ZFHX3: variants seen among roughly 807,000 people sequenced by gnomAD.
ZFHX3 encodes the protein zinc finger homeobox protein 3.
Under a neutral mutation model 279.1 loss-of-function variants are expected in ZFHX3, and 42 were observed. That is an observed-to-expected ratio of 0.15 (90% CI 0.12 to 0.19). ZFHX3 has a LOEUF of 0.19. Ranked by LOEUF, ZFHX3 falls within the 10% of genes least tolerant of loss-of-function variation. ZFHX3 has a pLI of 1.00. For synonymous variants in ZFHX3, 2,293 were observed against 1,957.8 expected, an observed-to-expected ratio of 1.17 and a Z score of -4.52; for missense variants, 4,981 against 4,754.0, an observed-to-expected ratio of 1.05 and a Z score of -1.40.
chr16:73,845,404 G>T (rs1961423502), intron 1 of ZFHX3, among the ~76,000 whole-genome samples: 2 of 152,044 alleles, frequency 1.3e-5, no homozygotes, highest in African/African-American at 4.8e-5. Context: ...TTCCTTCCTG[G>T]GTGGTGAGAC....
chr16:73,205,370 A>G (rs1481696610), intron 5 of ZFHX3, among the ~76,000 whole-genome samples: 1 of 152,210 alleles, frequency 6.6e-6, no homozygotes, highest in Non-Finnish European at 1.5e-5. Flanking sequence ...TGATGGCGCA[A>G]CACAAGACTG....
chr16:73,356,758 G>A lies in ZFHX3; in HGVS notation c.-1290-38422C>T, dbSNP rs576740393. ...TCAATATTATCATTAGATTTTGTTC[G>A]GTTTCACTCACGTCCTTTCAACATT... On this transcript the variant is annotated intron_variant, in intron 3 of 17. Coordinates refer to the ZFHX3 transcript ENST00000641206. 4.6e-5 allele frequency among the ~76,000 whole-genome samples: 7 copies of A among 151,856 alleles called. No homozygotes were observed. The East Asian group carries it at 5.8e-4, about 13-fold the overall frequency.
chr16:72,794,947 G>C lies in ZFHX3; in HGVS notation c.7735C>G (p.Pro2579Ala). 6.2e-7 allele frequency: 1 copy of C among 1,614,108 alleles called. No homozygotes were observed. ...SLDMPFMLFD[P>A]SNPLLASQLL... Reference sequence around the variant, plus strand: ...TGGCTGGCCAGGAGTGGGTTACTGGGATCAAAGAGCATGAAAGGCATATCC... The same window carrying C: ...TGGCTGGCCAGGAGTGGGTTACTGGCATCAAAGAGCATGAAAGGCATATCC... The change falls in exon 9 of 10, where the codon CCC becomes GCC. Residue 2579 changes from proline (P) to alanine (A), a missense_variant. Transcript: ENST00000268489. This position sits in a 1 kb window ranked among gnomAD's most constrained non-coding sequence, Gnocchi z 4.2.
intron 4 of ZFHX3, among the ~76,000 whole-genome samples, chr16:72,851,134 C>T (rs1567547546): frequency 6.6e-6 from 1 of 152,098 alleles, no homozygotes; most frequent in Non-Finnish European, 1.5e-5. Context: ...TCCATGTTCA[C>T]AGTACGGAGG....
At position 73,054,495 on chromosome 16, in the gene ZFHX3, T is replaced by C. The variant is rs563557533; in HGVS notation, c.-24+4035A>G. Among the ~76,000 whole-genome samples, 19 of 151,610 alleles carry C rather than the reference T, an allele frequency of 1.3e-4. No homozygotes were observed. In the South Asian group the frequency reaches 3.4e-3, roughly 27 times the overall value. On this transcript the variant is annotated intron_variant, in intron 1 of 8. Coordinates refer to the ZFHX3 transcript ENST00000397992. ...GGAAATCCACACTTTTCATTATTAT[T>C]GTTATTATACTCTCATCCGAAGTTT...
intron 5 of ZFHX3, among the ~76,000 whole-genome samples, chr16:73,193,533 G>A (rs1968085928): frequency 6.6e-6 from 1 of 152,146 alleles, no homozygotes; most frequent in East Asian, 1.9e-4. Flanking sequence ...CAGTATCCTG[G>A]GGGTAAGGAC....
intron 5 of ZFHX3, among the ~76,000 whole-genome samples, chr16:73,223,546 C>A (rs1199973557): frequency 6.6e-6 from 1 of 152,118 alleles, no homozygotes; most frequent in Non-Finnish European, 1.5e-5. Context: ...TAACGACAAC[C>A]CCATATGAAA....
At chr16:73,390,496 G>A (rs901157796) in intron 3 of ZFHX3, among the ~76,000 whole-genome samples, 2 of 152,128 alleles carry the variant, frequency 1.3e-5, no homozygotes, top group African/African-American at 2.4e-5. Flanking sequence ...GAGGCCTAGC[G>A]GGGATTCCAC....
intron 3 of ZFHX3, among the ~76,000 whole-genome samples, chr16:72,932,134 T>C (rs1959847519): frequency 6.6e-6 from 1 of 152,104 alleles, no homozygotes; most frequent in Admixed American, 6.5e-5. Flanking sequence ...TCTATGCCAG[T>C]TTCCAAGCCT....
intron 4 of ZFHX3, among the ~76,000 whole-genome samples, chr16:73,264,224 T>C (rs1184168449): frequency 6.6e-6 from 1 of 152,126 alleles, no homozygotes; most frequent in African/African-American, 2.4e-5. Flanking sequence ...AAGTATTCAT[T>C]CCCCCTCTTC....
At chr16:73,411,875 A>T (rs532693076) in intron 3 of ZFHX3, among the ~76,000 whole-genome samples, 8 of 152,090 alleles carry the variant, frequency 5.3e-5, no homozygotes, top group Non-Finnish European at 8.8e-5. Flanking sequence ...TGAGTGTGTG[A>T]CCTCCAGTCT....
intron 1 of ZFHX3, among the ~76,000 whole-genome samples, chr16:73,684,275 C>G (rs58988704): frequency 0.019 from 2,925 of 152,128 alleles, 100 homozygotes; most frequent in African/African-American, 0.067. Flanking sequence ...AATTCCTGCT[C>G]TAGGGGTCCA....
chr16:72,829,597 A>G, intron 5 of ZFHX3, 182 bp downstream of exon 5: 1 of 620,244 alleles, frequency 1.6e-6, no homozygotes, highest in Non-Finnish European at 2.8e-6. Context: ...ATAATAAAGA[A>G]GAATAAAGGT....
rs541378054 is a variant in ZFHX3, at chr16:73,772,667, T to C, written c.-1607-92427A>G. ...GAATCCCTGCCTGAGTAAGGAACTGTGTATTTAGCACAACTGCATCTCATC... is the reference window on the plus strand; with the variant it reads ...GAATCCCTGCCTGAGTAAGGAACTGCGTATTTAGCACAACTGCATCTCATC... On this transcript the variant is annotated intron_variant, in intron 1 of 17. Transcript: ENST00000641206. Among the ~76,000 whole-genome samples the C allele has an allele frequency of 9.5e-4, 144 of 152,342 alleles. 1 individual carries two copies. The highest frequency in any genetic ancestry group is 4.3e-4 in the Non-Finnish European group (29 of 68,038).
chr16:73,179,325 G>T (rs6499618), intron 5 of ZFHX3, among the ~76,000 whole-genome samples: 49,968 of 151,998 alleles, frequency 0.33, 8,568 homozygotes, highest in African/African-American at 0.42. Context: ...AGTAACACAA[G>T]TAGCTTAGCC....
At chr16:73,270,388 A>G (rs2014107332) in intron 4 of ZFHX3, among the ~76,000 whole-genome samples, 2 of 152,318 alleles carry the variant, frequency 1.3e-5, no homozygotes, top group South Asian at 4.1e-4. Context: ...AGCCACGACC[A>G]CTGATGTGCG....
At chr16:73,723,133 T>A (rs1179047832) in intron 1 of ZFHX3, among the ~76,000 whole-genome samples, 2 of 152,200 alleles carry the variant, frequency 1.3e-5, no homozygotes, top group Non-Finnish European at 2.9e-5. Flanking sequence ...ATATCCACTA[T>A]GAGAAACACA....
intron 4 of ZFHX3, among the ~76,000 whole-genome samples, chr16:72,853,670 A>C (rs1166261679): frequency 6.6e-6 from 1 of 152,262 alleles, no homozygotes; most frequent in Admixed American, 6.5e-5. Context: ...AAATCTCAAA[A>C]GAGGAAGGTA....
intron 5 of ZFHX3, chr16:73,234,006 T>G (rs1205780367): frequency 6.6e-6 from 1 of 152,210 alleles, no homozygotes; most frequent in Admixed American, 6.6e-5. Context: ...CTCCATCGCA[T>G]GTGTTTGGCA....
Sources: gnomAD v4.1 joint callset for allele counts (sites outside exome capture counted in the v4.1 genomes callset) on GRCh38, gnomAD v4.1.1 for gene constraint, Gnocchi (gnomAD v3.1) non-coding constraint, MANE v1.5 for transcripts, NCBI Gene and HGNC (gene_info 2026-07-23, HGNC 2026-07-21) for gene names.